Variants in CRAMP1 observed in about 807,000 individuals in gnomAD.
CRAMP1 encodes cramped chromatin regulator 1.
CRAMP1 carries 50 observed loss-of-function variants against 115.4 expected under a neutral mutation model. The observed-to-expected ratio is 0.43, with a 90% CI of 0.35 to 0.55. CRAMP1 has a LOEUF of 0.55. CRAMP1 is among the 20% of genes least tolerant of loss of function. CRAMP1 has a pLI of 0.01. For missense variants in CRAMP1, 1,679 were observed against 1,721.7 expected (o/e 0.98, Z 0.44); for synonymous variants, 866 against 745.4 (o/e 1.16, Z -2.64).
At chr16:1,654,878 G>A (rs367927640) in intron 8 of CRAMP1, among the ~76,000 whole-genome samples, 3 of 152,228 alleles carry the variant, frequency 2.0e-5, no homozygotes, top group African/African-American at 7.2e-5. Context: ...ACACTGTCCA[G>A]GCCCGCCCGC....
At position 1,655,237 on chromosome 16, in the gene CRAMP1, T is replaced by C; in HGVS notation, c.1056T>C (p.His352=). Residue 352 remains histidine, a synonymous_variant, in exon 9 of 21, where the codon CAT becomes CAC. Coordinates refer to ENST00000397412, the MANE Select transcript of CRAMP1 (RefSeq NM_020825.4). ...NPRLRMIVEL[H]RKVSSLIEFL... ...TCCGTAGGATGATCGTGGAGCTACA[T>C]CGAAAGGTCTCCAGCCTCATCGAAT... The C allele has an allele frequency of 6.2e-7, 1 of 1,613,958 alleles. No individual in the cohort carries two copies. The highest frequency in any genetic ancestry group is 1.1e-5 in the South Asian group (1 of 91,086).
At position 1,672,057 on chromosome 16, in the gene CRAMP1, C is replaced by A. The variant is rs2036927439; in HGVS notation, c.3645+1248C>A. Among the ~76,000 whole-genome samples the A allele has an allele frequency of 6.6e-6, 1 of 152,184 alleles. No homozygotes were observed. Among genetic ancestry groups the A allele is most frequent in the Non-Finnish European group, 1.5e-5 (1 of 68,042 alleles). On this transcript the variant is annotated intron_variant, in intron 20 of 20. Transcript: ENST00000397412. The surrounding 1 kb of genome is among the most constrained non-coding windows in gnomAD (Gnocchi z 4.9). Reference sequence around the variant, plus strand: ...TGTGCGCATGTTCCTAAGTGCTGGGCTCTGTGGAGATGGGCGCTGCGTACG... The same window carrying A: ...TGTGCGCATGTTCCTAAGTGCTGGGATCTGTGGAGATGGGCGCTGCGTACG...
chr16:1,641,832 G>C (rs369493282), intron 6 of CRAMP1, among the ~76,000 whole-genome samples: 148 of 151,682 alleles, frequency 9.8e-4, no homozygotes, highest in African/African-American at 3.5e-3. Flanking sequence ...GCCACAGCCT[G>C]GGGGGGTTCC....
Position 1,662,832 on chromosome 16 carries a change from C to T in CRAMP1, c.2667C>T (p.Val889=), listed in dbSNP as rs2036844857. Residue 889 remains valine, a synonymous_variant, in exon 13 of 21, where the codon GTC becomes GTT. Transcript: ENST00000397412. ...RNRHLRKPLV[V]QRTLLPRPSE... is the part of the protein sequence containing the mutation. Reference sequence around the variant, plus strand: ...GGCACCTGCGGAAGCCACTGGTGGTCCAGGTCAGGGTCTTCTCAAGTCTGA... The same window carrying T: ...GGCACCTGCGGAAGCCACTGGTGGTTCAGGTCAGGGTCTTCTCAAGTCTGA... 1.9e-5 allele frequency: 30 copies of T among 1,613,164 alleles called. No individual in the cohort carries two copies. Among genetic ancestry groups the T allele is most frequent in the Non-Finnish European group, 2.4e-5 (28 of 1,179,524 alleles).
Position 1,673,953 on chromosome 16 carries a change from G to A in CRAMP1, c.3718G>A (p.Ala1240Thr). Residue 1240 changes from alanine to threonine, a missense_variant, in exon 21 of 21, where the codon GCC (alanine) becomes ACC (threonine). Around this residue, in one of 8 missense-constraint regions of CRAMP1, gnomAD observed 709 missense variants for 741.9 expected, o/e 0.96. Transcript: ENST00000397412. The stretch of plus-strand genomic sequence containing the variant: ...TTACATTTCTCGGTTCAATGACCTG[G>A]CCCAAGAGCTGTCCATCGCTGAGCC... ...IDYISRFNDL[A>T]QELSIAEPGR... is the part of the protein sequence containing the mutation. 6.2e-7 allele frequency: 1 copy of A among 1,613,574 alleles called. No individual in the cohort carries two copies. Among genetic ancestry groups the A allele is most frequent in the South Asian group, 1.1e-5 (1 of 91,036 alleles).
At chr16:1,637,269 G>T (rs2036596525) in intron 4 of CRAMP1, among the ~76,000 whole-genome samples, 1 of 152,012 alleles carries the variant, frequency 6.6e-6, no homozygotes, top group Non-Finnish European at 1.5e-5. Flanking sequence ...ACTCCAGTCT[G>T]GGCGAGAGAG....
At position 1,652,580 on chromosome 16, in the gene CRAMP1, T is replaced by C. The variant is rs1180428788; in HGVS notation, c.912T>C (p.Asp304=). The C allele has an allele frequency of 1.0e-5, 16 of 1,552,224 alleles. No individual in the cohort carries two copies. In the Admixed American group the frequency reaches 3.1e-4, roughly 30 times the overall value. ...CRALKKLCDP[D]GLSDEEDQKP... Reference sequence around the variant, plus strand: ...CCCTGAAGAAGCTGTGCGATCCAGATGGTAAGTGAATGGGGCGCTCCCGGG... The same window carrying C: ...CCCTGAAGAAGCTGTGCGATCCAGACGGTAAGTGAATGGGGCGCTCCCGGG... The change falls in exon 7 of 21, where the codon GAT becomes GAC. Residue 304 remains aspartate, a splice_region_variant and synonymous_variant. Transcript: ENST00000397412.
intron 6 of CRAMP1, chr16:1,645,408 G>A: frequency 4.8e-6 from 1 of 209,420 alleles, no homozygotes; most frequent in Non-Finnish European, 1.0e-5. Context: ...GGCTGGTCTT[G>A]AACTCTCGAC....
intron 2 of CRAMP1, among the ~76,000 whole-genome samples, chr16:1,617,276 T>C (rs2036428309): frequency 6.6e-6 from 1 of 152,334 alleles, no homozygotes; most frequent in Middle Eastern, 3.4e-3. Flanking sequence ...TGTCCGCTGC[T>C]CTCTGCTTTC....
Position 1,614,792 on chromosome 16 carries a change from C to T in CRAMP1, c.153C>T (p.Thr51=), listed in dbSNP as rs1244643708. The change falls in exon 2 of 21, where the codon ACC becomes ACT. Residue 51 remains threonine, a synonymous_variant. Transcript: ENST00000397412. The surrounding 1 kb of genome is among the most constrained non-coding windows in gnomAD (Gnocchi z 4.4). ...GCGGCACAAAGAGGGACGAGAAGACCCCCCGGGCCGGCGCCGACGGCCCCC... is the reference window on the plus strand; with the variant it reads ...GCGGCACAAAGAGGGACGAGAAGACTCCCCGGGCCGGCGCCGACGGCCCCC... The part of the protein sequence containing the change: ...ESSGTKRDEK[T]PRAGADGPPA... 16 of 1,310,070 alleles carry T rather than the reference C, an allele frequency of 1.2e-5. No homozygotes were observed. The highest frequency in any genetic ancestry group is 1.5e-5 in the African/African-American group (1 of 64,598). The allele number at this position is 1,310,070 out of a possible 1,614,324, so 81.2% of individuals were successfully genotyped here. A position where few individuals can be genotyped will look rare whatever the true frequency, so the allele number is the denominator to read the frequency against.
In CRAMP1 at chr16:1,656,419, G is replaced by A. The variant is rs374860299; in HGVS notation, c.1662G>A (p.Glu554=). The A allele has an allele frequency of 6.2e-5, 99 of 1,588,500 alleles. No individual in the cohort carries two copies. The highest frequency in any genetic ancestry group is 8.0e-5 in the Non-Finnish European group (94 of 1,167,920). The change falls in exon 10 of 21, where the codon GAG becomes GAA. Residue 554 remains glutamate, a synonymous_variant. Transcript: ENST00000397412. The surrounding 1 kb of genome is among the most constrained non-coding windows in gnomAD (Gnocchi z 5.6). ...ACGQLPDLED[E]LSLLDPLPRY... ...GCCAGCTCCCAGACCTGGAGGACGA[G>A]CTCTCGCTTCTAGACCCCTTGCCCC...
At chr16:1,659,440 G>A (rs1291981399) in intron 10 of CRAMP1, among the ~76,000 whole-genome samples, 1 of 152,004 alleles carries the variant, frequency 6.6e-6, no homozygotes, top group Non-Finnish European at 1.5e-5. Flanking sequence ...GTCCAGGCTG[G>A]AGTGCAGTGG....
At chr16:1,667,311 C>T in intron 16 of CRAMP1, 24 bp from the exon 17 acceptor site, 1 of 1,610,270 alleles carries the variant, frequency 6.2e-7, no homozygotes, top group Non-Finnish European at 8.5e-7. Context: ...CCTGCGGCTG[C>T]TCATGGGCGT....
At chr16:1,668,769 T>A (rs1181152844) in intron 18 of CRAMP1, among the ~76,000 whole-genome samples, 1 of 152,168 alleles carries the variant, frequency 6.6e-6, no homozygotes, top group Non-Finnish European at 1.5e-5. Flanking sequence ...GTGAGATGAC[T>A]CATGTGCAAC....
intron 2 of CRAMP1, among the ~76,000 whole-genome samples, chr16:1,624,555 AC>A (rs1458407233): frequency 6.6e-6 from 1 of 151,970 alleles, no homozygotes; most frequent in South Asian, 2.1e-4. Flanking sequence ...AGTAGCTAGG[AC>A]TACAGGCGTG....
intron 6 of CRAMP1, among the ~76,000 whole-genome samples, chr16:1,643,620 C>T (rs2036650838): frequency 6.6e-6 from 1 of 152,102 alleles, no homozygotes. Flanking sequence ...TGGGCCATGT[C>T]TGTACTCAGT....
chr16:1,647,901 G>A (rs969616604), intron 6 of CRAMP1, among the ~76,000 whole-genome samples: 1 of 151,972 alleles, frequency 6.6e-6, no homozygotes, highest in Non-Finnish European at 1.5e-5. Context: ...ACAGCTTCCA[G>A]GCTGGTGCGA....
chr16:1,657,874 CAA>C (rs2036789588), intron 10 of CRAMP1, among the ~76,000 whole-genome samples: 1 of 152,114 alleles, frequency 6.6e-6, no homozygotes, highest in Non-Finnish European at 1.5e-5. Context: ...GCGAGGGGCT[CAA>C]AGGATGGACT....
intron 11 of CRAMP1, among the ~76,000 whole-genome samples, chr16:1,660,602 AAGCATGAAC>A (rs1372411597): frequency 1.3e-5 from 2 of 152,236 alleles, no homozygotes; most frequent in Non-Finnish European, 2.9e-5. Flanking sequence ...ACCCCAAGAC[AAGCATGAAC>A]AGTTTCCCGA....
Sources: gnomAD v4.1 joint callset for allele counts (sites outside exome capture counted in the v4.1 genomes callset) on GRCh38, gnomAD v4.1.1 for gene constraint, gnomAD v4.1.1 regional missense constraint, Gnocchi (gnomAD v3.1) non-coding constraint, MANE v1.5 for transcripts, NCBI Gene and HGNC (gene_info 2026-07-23, HGNC 2026-07-21) for gene names.